Variants in OVOL2 observed in about 807,000 individuals in gnomAD.
The protein encoded by OVOL2 is transcription factor Ovo-like 2.
In OVOL2, 13 loss-of-function variants were observed where a neutral mutation model predicts 18.1. That is an observed-to-expected ratio of 0.72 (90% confidence interval 0.47 to 1.14). The LOEUF (loss-of-function observed/expected upper bound fraction) is 1.14. Ranked by LOEUF, OVOL2 falls within the 50% of genes most tolerant of loss-of-function variation. OVOL2 has a pLI of 0.00. For missense variants in OVOL2, 335 were observed against 383.0 expected, an observed-to-expected ratio of 0.87 and a Z score of 1.05; for synonymous variants, 166 against 162.7, an observed-to-expected ratio of 1.02 and a Z score of -0.16.
chr20:18,034,267 A>C (rs546026158), intron 3 of OVOL2, among the ~76,000 whole-genome samples: 2 of 152,282 alleles, frequency 1.3e-5, no homozygotes, highest in South Asian at 4.1e-4. Context: ...CAGGGCAGAC[A>C]CAGCCCTCAG....
At chr20:18,039,563 T>C (rs1175003938) in intron 3 of OVOL2, among the ~76,000 whole-genome samples, 1 of 142,266 alleles carries the variant, frequency 7.0e-6, no homozygotes, top group East Asian at 2.0e-4. Context: ...GCCCAGGAGT[T>C]GGTGGCTGCA....
At chr20:18,036,870 C>T (rs2036619289) in intron 3 of OVOL2, among the ~76,000 whole-genome samples, 1 of 152,162 alleles carries the variant, frequency 6.6e-6, no homozygotes, top group Non-Finnish European at 1.5e-5. Context: ...GGCGCGGTGG[C>T]TCACGCCTGT....
At chr20:18,057,953 A>G (rs1379722423), upstream of OVOL2, 1 of 1,104,828 alleles carries the variant, frequency 9.1e-7, no homozygotes, top group Non-Finnish European at 1.1e-6. The surrounding 1 kb of genome is among the most constrained non-coding windows in gnomAD (Gnocchi z 6.3). Context: ...AACGGTGTCA[A>G]CAAGCTCGCT....
At chr20:18,038,155 A>C (rs2036635503) in intron 3 of OVOL2, among the ~76,000 whole-genome samples, 1 of 152,190 alleles carries the variant, frequency 6.6e-6, no homozygotes, top group South Asian at 2.1e-4. Context: ...TCTCACAGTC[A>C]GATGTCTGAG....
At chr20:18,047,853 C>CAAAAAAAAAAAA (rs34668253) in intron 2 of OVOL2, among the ~76,000 whole-genome samples, 19 of 47,118 alleles carry the variant, frequency 4.0e-4, no homozygotes, top group East Asian at 1.7e-3. Flanking sequence ...GACTCCGTCT[C>CAAAAAAAAAAAA]AAAAAAAAAA....
rs1360391942 is a variant in OVOL2, at chr20:18,056,811, C to CCGCTGCTGCTGCCGCCGT, written c.149_166dup (p.Asp50_Ser55dup). Reference sequence around the variant, plus strand: ...CTCCCCCGCGCTGCTGCTGCCGCTGCCGCTGCTGCTGCCGCCGTCGCTGCG... The same window carrying CCGCTGCTGCTGCCGCCGT: ...CTCCCCCGCGCTGCTGCTGCCGCTGCCGCTGCTGCTGCCGCCGTCGCTGCTGCTGCCGCCGTCGCTGCG... On this transcript the variant is annotated inframe_insertion, in exon 2 of 4. Transcript: ENST00000278780. The surrounding 1 kb of genome is among the most constrained non-coding windows in gnomAD (Gnocchi z 4.2). The CCGCTGCTGCTGCCGCCGT allele has an allele frequency of 6.7e-7, 1 of 1,492,656 alleles. No homozygotes were observed. The allele number at this position is 1,492,656 out of a possible 1,614,324, so 92.5% of individuals were successfully genotyped here. A position where few individuals can be genotyped will look rare whatever the true frequency, so the allele number is the denominator to read the frequency against.
chr20:18,037,370 C>T (rs774618274), intron 3 of OVOL2, among the ~76,000 whole-genome samples: 7 of 152,232 alleles, frequency 4.6e-5, no homozygotes, highest in African/African-American at 1.4e-4. Flanking sequence ...TGGAGAACAA[C>T]AGCACTGACT....
At chr20:18,037,975 C>T (rs1335214050) in intron 3 of OVOL2, among the ~76,000 whole-genome samples, 1 of 152,174 alleles carries the variant, frequency 6.6e-6, no homozygotes, top group Non-Finnish European at 1.5e-5. Flanking sequence ...CAACGCTCTT[C>T]CTCCTTCTGT....
Position 18,024,586 on chromosome 20 carries a change from C to T in OVOL2, c.*50G>A. The T allele has an allele frequency of 1.3e-6, 2 of 1,493,416 alleles. No homozygotes were observed. Among genetic ancestry groups the T allele is most frequent in the Non-Finnish European group, 1.8e-6 (2 of 1,117,468 alleles). 92.5% of individuals were successfully genotyped at this position (1,493,416 alleles called of 1,614,324 possible). A position where few individuals can be genotyped will look rare whatever the true frequency, so the allele number is the denominator to read the frequency against. ...TGGGGGAAGCTGAAAACCAAAAATC[C>T]ACGTAGACATACGTGGCAGTGTGAA... On this transcript the variant is annotated 3_prime_UTR_variant, in exon 4 of 4. Transcript: ENST00000278780.
rs1188147509 is a variant in OVOL2, at chr20:18,041,741, C to A, written c.322-18G>T. 3 of 1,599,340 alleles carry A rather than the reference C, an allele frequency of 1.9e-6. No homozygotes were observed. Among genetic ancestry groups the A allele is most frequent in the South Asian group, 1.1e-5 (1 of 90,648 alleles). On this transcript the variant is annotated intron_variant, in intron 2 of 3. Transcript: ENST00000278780. ...GTGGTGAACTGGGGGCAGAGAGAGG[C>A]CATGAGGGTCCCCGGGCAGGCAGGC...
chr20:18,052,691 A>T lies in OVOL2; in HGVS notation c.321+3966T>A, dbSNP rs565623537. ...GGGTAAAAGGCCAAGCATACTTTTGAAAGAATCTAAACTTAATTTATTTTG... is the reference window on the plus strand; with the variant it reads ...GGGTAAAAGGCCAAGCATACTTTTGTAAGAATCTAAACTTAATTTATTTTG... On this transcript the variant is annotated intron_variant, in intron 2 of 3. Transcript: ENST00000278780. 6.9e-4 allele frequency among the ~76,000 whole-genome samples: 105 copies of T among 152,352 alleles called. 2 individuals are homozygous for T. Among genetic ancestry groups the T allele is most frequent in the African/African-American group, 1.1e-3 (45 of 41,574 alleles).
At chr20:18,051,253 A>C (rs2036769192) in intron 2 of OVOL2, among the ~76,000 whole-genome samples, 1 of 152,084 alleles carries the variant, frequency 6.6e-6, no homozygotes, top group African/African-American at 2.4e-5. Flanking sequence ...AGAACTAATT[A>C]GCCATCAATG....
intron 3 of OVOL2, among the ~76,000 whole-genome samples, chr20:18,025,368 G>T (rs6080938): frequency 6.6e-6 from 1 of 151,936 alleles, no homozygotes; most frequent in Non-Finnish European, 1.5e-5. Context: ...AGGAGTTCGA[G>T]ACCAGCCTGG....
chr20:18,056,682 C>T lies in OVOL2; in HGVS notation c.296G>A (p.Arg99His), dbSNP rs2036829474. The change falls in exon 2 of 4, where the codon CGC (arginine) becomes CAC (histidine). Residue 99 changes from arginine (R) to histidine (H), a missense_variant. Physicochemically the swap from Arg to His is conservative, Grantham distance 29. Transcript: ENST00000278780. This position sits in a 1 kb window ranked among gnomAD's most constrained non-coding sequence, Gnocchi z 4.2. ...CTTGATTTTCGATCTGGCGACCGGG[C>T]GCTGCTTGGTCGCCAGGTGTCCATC... ...GPDGHLATKQ[R>H]PVARSKIKFT... 1.4e-6 allele frequency: 2 copies of T among 1,434,926 alleles called. No homozygotes were observed. Among genetic ancestry groups the T allele is most frequent in the East Asian group, 2.9e-5 (1 of 34,236 alleles). 88.9% of individuals were successfully genotyped at this position (1,434,926 alleles called of 1,614,324 possible).
intron 3 of OVOL2, among the ~76,000 whole-genome samples, chr20:18,028,812 T>C (rs1322151675): frequency 6.6e-6 from 1 of 151,668 alleles, no homozygotes; most frequent in Non-Finnish European, 1.5e-5. Flanking sequence ...CATAAATAAA[T>C]AAACAAAATA....
chr20:18,039,635 G>GA (rs1423911054), intron 3 of OVOL2, among the ~76,000 whole-genome samples: 1 of 139,298 alleles, frequency 7.2e-6, no homozygotes, highest in Non-Finnish European at 1.6e-5. Context: ...AAGAAAGAAA[G>GA]AAAGAAAAGA....
chr20:18,044,969 A>G (rs1568637444), intron 2 of OVOL2, among the ~76,000 whole-genome samples: 1 of 152,106 alleles, frequency 6.6e-6, no homozygotes, highest in East Asian at 1.9e-4. Flanking sequence ...TGAGGGCCCT[A>G]CTGGAGCTGG....
intron 3 of OVOL2, among the ~76,000 whole-genome samples, chr20:18,040,923 A>AG (rs1214801934): frequency 1.3e-5 from 2 of 152,192 alleles, no homozygotes; most frequent in Non-Finnish European, 1.5e-5. Flanking sequence ...GCCAGAACCA[A>AG]GGGGCTGAGC....
chr20:18,054,827 T>C (rs1323768017), intron 2 of OVOL2, among the ~76,000 whole-genome samples: 2 of 147,712 alleles, frequency 1.4e-5, no homozygotes, highest in South Asian at 2.1e-4. Context: ...CTTAGAGAAA[T>C]TGTGAGTTCA....
Sources: gnomAD v4.1 joint callset for allele counts (sites outside exome capture counted in the v4.1 genomes callset) on GRCh38, gnomAD v4.1.1 for gene constraint, Gnocchi (gnomAD v3.1) non-coding constraint, MANE v1.5 for transcripts, NCBI Gene and HGNC (gene_info 2026-07-23, HGNC 2026-07-21) for gene names.